NKAIN3: variants seen among roughly 807,000 people sequenced by gnomAD.
NKAIN3 encodes sodium/potassium transporting ATPase interacting 3, also known as sodium/potassium-transporting ATPase subunit beta-1-interacting protein 3.
In NKAIN3, 25 loss-of-function variants were observed where a neutral mutation model predicts 30.2. That is an observed-to-expected ratio of 0.83 (90% CI 0.60 to 1.16). NKAIN3 has a LOEUF of 1.16. NKAIN3 is among the 50% of genes most tolerant of loss of function. The pLI, the probability that NKAIN3 is intolerant of heterozygous loss-of-function variation, is 0.00. For missense variants in NKAIN3, 225 were observed against 254.1 expected (o/e 0.89, Z 0.78); for synonymous variants, 91 against 89.6 (o/e 1.02, Z -0.09).
chr8:62,890,472 CTT>C (rs1821268605), intron 4 of NKAIN3, among the ~76,000 whole-genome samples: 1 of 152,214 alleles, frequency 6.6e-6, no homozygotes, highest in African/African-American at 2.4e-5. Flanking sequence ...TTTCAACTAA[CTT>C]ATGTTTCATG....
chr8:62,484,224 C>T (rs1021283994), intron 1 of NKAIN3, among the ~76,000 whole-genome samples: 1 of 152,218 alleles, frequency 6.6e-6, no homozygotes, highest in African/African-American at 2.4e-5. Context: ...TCGGGATGCT[C>T]TTAGCAGACT....
chr8:62,571,902 T>C (rs1175960596), intron 1 of NKAIN3, among the ~76,000 whole-genome samples: 1 of 152,062 alleles, frequency 6.6e-6, no homozygotes, highest in African/African-American at 2.4e-5. Flanking sequence ...AAACCACTTT[T>C]TCTTCTTAGG....
chr8:62,668,520 A>T (rs1464681572), intron 3 of NKAIN3, among the ~76,000 whole-genome samples: 1 of 152,182 alleles, frequency 6.6e-6, no homozygotes, highest in East Asian at 1.9e-4. Flanking sequence ...AGTTCTTTCC[A>T]TTACACCATG....
intron 4 of NKAIN3, among the ~76,000 whole-genome samples, chr8:62,900,655 C>T (rs4237059): frequency 0.77 from 117,664 of 152,162 alleles, 46,339 homozygotes; most frequent in East Asian, 0.98. Context: ...TAGTATCCAA[C>T]TAAACCCTGT....
intron 4 of NKAIN3, among the ~76,000 whole-genome samples, chr8:62,839,661 G>A (rs940704413): frequency 1.3e-5 from 2 of 152,032 alleles, no homozygotes; most frequent in African/African-American, 4.8e-5. Context: ...ACAGTTCACT[G>A]TAACTGTGGG....
At chr8:62,483,198 C>A (rs1253645079) in intron 1 of NKAIN3, 1 of 152,206 alleles carries the variant, frequency 6.6e-6, no homozygotes, top group South Asian at 2.1e-4. Context: ...CCTTTAATTA[C>A]AGTTTACTTG....
rs556609763 is a variant in NKAIN3 at position 62,653,807 on chromosome 8, G to A, written c.273+64013G>A. Among the ~76,000 whole-genome samples the A allele has an allele frequency of 4.2e-4, 64 of 152,204 alleles. No homozygotes were observed. In the South Asian group the frequency reaches 5.0e-3, roughly 12 times the overall value. On this transcript the variant is annotated intron_variant, in intron 3 of 6. Transcript: ENST00000623646. ...AGAGGGTGGAGTTTGTTACCTGTAC[G>A]ATCTTATTCCAGAATTATTCTACAA...
intron 5 of NKAIN3, among the ~76,000 whole-genome samples, chr8:62,942,160 A>T (rs1261090856): frequency 6.7e-6 from 1 of 149,408 alleles, no homozygotes; most frequent in East Asian, 1.9e-4. Flanking sequence ...ATCCTTTTAC[A>T]ATAGCTGCAA....
At chr8:62,917,172 A>G (rs1325495595) in intron 4 of NKAIN3, among the ~76,000 whole-genome samples, 3 of 151,966 alleles carry the variant, frequency 2.0e-5, no homozygotes, top group Non-Finnish European at 4.4e-5. Context: ...TGCCCTGCCA[A>G]TTCCACCCAG....
rs1424144944 is a variant in NKAIN3 at position 62,409,359 on chromosome 8, T to G, written c.54+160232T>G. Among the ~76,000 whole-genome samples the G allele has an allele frequency of 3.9e-5, 6 of 152,100 alleles. No homozygotes were observed. In the East Asian group the frequency reaches 1.2e-3, roughly 29 times the overall value. ...ATCACCACAACCAGCTAATTTTGTATTTTTAGTAGAGATGGGGTTTCACCA... is the reference window on the plus strand; with the variant it reads ...ATCACCACAACCAGCTAATTTTGTAGTTTTAGTAGAGATGGGGTTTCACCA... On this transcript the variant is annotated intron_variant, in intron 1 of 6. Transcript: ENST00000623646.
At chr8:62,506,120 G>A (rs969715803) in intron 1 of NKAIN3, among the ~76,000 whole-genome samples, 1 of 121,290 alleles carries the variant, frequency 8.2e-6, no homozygotes, top group South Asian at 3.6e-4. Context: ...GACACTTCTG[G>A]ATAAATCAGG....
intron 4 of NKAIN3, among the ~76,000 whole-genome samples, chr8:62,857,800 C>T (rs180696756): frequency 5.3e-5 from 8 of 152,268 alleles, no homozygotes; most frequent in Non-Finnish European, 1.0e-4. Context: ...TTTAGCTCAG[C>T]GAAGTTCATT....
In NKAIN3 at chr8:62,692,173, C is replaced by A. The variant is rs111836883; in HGVS notation, c.274-54759C>A. On this transcript the variant is annotated intron_variant, in intron 3 of 6. Transcript: ENST00000623646. ...GACTTCACATTTCTCATTCTGTTGG[C>A]CAGAGAAAATGAAGAAGCCAGCCCA... Among the ~76,000 whole-genome samples, 469 of 152,120 alleles carry A rather than the reference C, an allele frequency of 3.1e-3. 1 individual carries two copies. Among genetic ancestry groups the A allele is most frequent in the Middle Eastern group, 0.02 (6 of 294 alleles).
chr8:62,292,199 T>A (rs1428588136), intron 1 of NKAIN3, among the ~76,000 whole-genome samples: 1 of 152,166 alleles, frequency 6.6e-6, no homozygotes, highest in South Asian at 2.1e-4. Context: ...AATTTGCCAG[T>A]CTGTGTCTTT....
chr8:62,745,553 C>T (rs966221950), intron 3 of NKAIN3, among the ~76,000 whole-genome samples: 2 of 152,170 alleles, frequency 1.3e-5, no homozygotes, highest in Non-Finnish European at 2.9e-5. Context: ...AGTCAAGGTC[C>T]TGGTCCCTAA....
At chr8:62,250,323 A>G (rs970430198) in intron 1 of NKAIN3, among the ~76,000 whole-genome samples, 1 of 152,196 alleles carries the variant, frequency 6.6e-6, no homozygotes, top group Non-Finnish European at 1.5e-5. Flanking sequence ...CACATAATGC[A>G]TGCATAATTT....
At chr8:62,329,679 T>A (rs988202669) in intron 1 of NKAIN3, among the ~76,000 whole-genome samples, 79 of 152,298 alleles carry the variant, frequency 5.2e-4, no homozygotes, top group African/African-American at 1.9e-3. Flanking sequence ...TTTGTTCTTT[T>A]TTATGGCTGC....
intron 1 of NKAIN3, among the ~76,000 whole-genome samples, chr8:62,421,620 TTCTCTC>T (rs377118283): frequency 3.4e-5 from 5 of 148,194 alleles, no homozygotes; most frequent in Non-Finnish European, 7.5e-5. Flanking sequence ...CTCTCTCTCT[TTCTCTC>T]TCTCTCTCTC....
intron 1 of NKAIN3, among the ~76,000 whole-genome samples, chr8:62,579,299 C>T (rs771796541): frequency 6.6e-6 from 1 of 151,982 alleles, no homozygotes; most frequent in Non-Finnish European, 1.5e-5. Context: ...ACCTCTCACT[C>T]TCCAGATAGA....
Sources: gnomAD v4.1 joint callset for allele counts (sites outside exome capture counted in the v4.1 genomes callset) on GRCh38, gnomAD v4.1.1 for gene constraint, MANE v1.5 for transcripts, NCBI Gene and HGNC (gene_info 2026-07-23, HGNC 2026-07-21) for gene names.